Variants in C1QTNF12 observed in about 807,000 individuals in gnomAD.
C1QTNF12 encodes adipolin.
A neutral mutation model predicts 34.3 loss-of-function variants in C1QTNF12; 39 were observed. The observed-to-expected ratio is 1.14, with a 90% confidence interval of 0.88 to 1.49. C1QTNF12 has a LOEUF of 1.49. Ranked by LOEUF, C1QTNF12 falls within the 40% of genes most tolerant of loss-of-function variation. C1QTNF12 has a pLI of 0.00. For synonymous variants in C1QTNF12, 220 were observed against 196.9 expected (o/e 1.12, Z -0.98); for missense variants, 497 against 424.7 (o/e 1.17, Z -1.50).
At position 1,242,835 on chromosome 1, in the gene C1QTNF12, C is replaced by T. The variant is rs142136905; in HGVS notation, c.810G>A (p.Gln270=). 1.5e-5 allele frequency: 24 copies of T among 1,612,080 alleles called. No homozygotes were observed. The African/African-American group carries it at 2.7e-4, about 18-fold the overall frequency. ...CCGCTCACACCCGGCCCGGACTCAC[C>T]TGCAGCTGCAGCAGCCCCTGCACCT... ...TLQVQGLLQL[Q]AGQYASVFVD... is the part of the protein sequence containing the mutation. Residue 270 remains glutamine, a splice_region_variant and synonymous_variant, in exon 7 of 8, where the codon CAG becomes CAA. Transcript: ENST00000330388.
rs113729379 is a variant in C1QTNF12 at position 1,244,257 on chromosome 1, G to A, written c.313C>T (p.Pro105Ser). Residue 105 changes from proline (P) to serine (S), a missense_variant, in exon 3 of 8, where the codon CCA becomes TCA. Coordinates refer to ENST00000330388, the MANE Select transcript of C1QTNF12 (RefSeq NM_001014980.3). ...DKKPRDLFGP[P>S]GPPGAEVTAE... is the part of the protein sequence containing the mutation. The stretch of plus-strand genomic sequence containing the variant: ...GTCACTTCTGCACCTGGAGGTCCTG[G>A]GGGACCGAAGAGATCCCGCTGGGGG... 194 of 1,594,492 alleles carry A rather than the reference G, an allele frequency of 1.2e-4. No individual in the cohort carries two copies. The African/African-American group carries it at 2.3e-3, about 19-fold the overall frequency.
chr1:1,242,712 C>T, intron 7 of C1QTNF12, 66 bp from the exon 8 acceptor site: 3 of 1,550,906 alleles, frequency 1.9e-6, no homozygotes, highest in East Asian at 2.4e-5. Context: ...CAACGTCTGC[C>T]CACCTGCCCT....
chr1:1,244,050 C>A lies in C1QTNF12; in HGVS notation c.435G>T (p.Ala145=). ...AGGCCTCGCCCACCAGCCGCAGGCCCGCCCCCTGGGGCAGCAGCGGGTCCA... is the reference window on the plus strand; with the variant it reads ...AGGCCTCGCCCACCAGCCGCAGGCCAGCCCCCTGGGGCAGCAGCGGGTCCA... ...GLLDPLLPQG[A]GLRLVGEAFH... The change falls in exon 4 of 8, where the codon GCG becomes GCT. Residue 145 remains alanine (A), a synonymous_variant. Coordinates refer to ENST00000330388, the MANE Select transcript of C1QTNF12 (RefSeq NM_001014980.3). 1 of 1,599,398 alleles carries A rather than the reference C, an allele frequency of 6.3e-7. No individual in the cohort carries two copies. Among genetic ancestry groups the A allele is most frequent in the South Asian group, 1.1e-5 (1 of 89,516 alleles).
chr1:1,242,764 T>A, intron 7 of C1QTNF12, 71 bp downstream of exon 7: 1 of 1,577,876 alleles, frequency 6.3e-7, no homozygotes, highest in Non-Finnish European at 8.7e-7. Context: ...GCGCCCTGAG[T>A]GCACCGAGCT....
At position 1,246,483 on chromosome 1, in the gene C1QTNF12, G is replaced by A. The variant is rs933966507; in HGVS notation, c.177+31C>T. ...AGAGCCCCAGCTCCGAAGCTGCCCC[G>A]CGAGGGCCCACGTGCGTCCCGGCCG... On this transcript the variant is annotated intron_variant, in intron 1 of 7. Transcript: ENST00000330388. This position sits in a 1 kb window ranked among gnomAD's most constrained non-coding sequence, Gnocchi z 4.5. The A allele has an allele frequency of 3.3e-6, 4 of 1,229,330 alleles. No individual in the cohort carries two copies. The highest frequency in any genetic ancestry group is 4.1e-5 in the South Asian group (1 of 24,524). 76.2% of individuals were successfully genotyped at this position (1,229,330 alleles called of 1,614,324 possible). A position where few individuals can be genotyped will look rare whatever the true frequency, so the allele number is the denominator to read the frequency against.
Position 1,243,470 on chromosome 1 carries a change from A to C in C1QTNF12, c.614T>G (p.Phe205Cys), listed in dbSNP as rs1638795721. Residue 205 changes from phenylalanine to cysteine, a missense_variant, in exon 5 of 8, where the codon TTC becomes TGC. Physicochemically the swap from Phe to Cys is radical, Grantham distance 205. Transcript: ENST00000330388. ...GRFTAPVSGI[F>C]QFSASLHVDH... is the part of the protein sequence containing the mutation. ...CACGTGCAGACTGGCAGAGAACTGG[A>C]AGATGCCGGACACGGGGGCCGTGAA... is the stretch of plus-strand genomic sequence containing the variant. The C allele has an allele frequency of 6.4e-7, 1 of 1,559,094 alleles. No individual in the cohort carries two copies. The highest frequency in any genetic ancestry group is 1.4e-5 in the African/African-American group (1 of 73,440).
chr1:1,246,946 T>C (rs552383056), upstream of C1QTNF12, among the ~76,000 whole-genome samples: 2,098 of 150,652 alleles, frequency 0.014, 18 homozygotes, highest in African/African-American at 0.016. This position sits in a 1 kb window ranked among gnomAD's most constrained non-coding sequence, Gnocchi z 4.5. Context: ...AATCCTCCCC[T>C]CGCCTCCTCC....
chr1:1,243,464 A>G lies in C1QTNF12; in HGVS notation c.620T>C (p.Phe207Ser), dbSNP rs1442687971. The part of the protein sequence containing the change: ...FTAPVSGIFQ[F>S]SASLHVDHSE... Reference sequence around the variant, plus strand: ...CTCACCCACGTGCAGACTGGCAGAGAACTGGAAGATGCCGGACACGGGGGC... The same window carrying G: ...CTCACCCACGTGCAGACTGGCAGAGGACTGGAAGATGCCGGACACGGGGGC... The change falls in exon 5 of 8, where the codon TTC becomes TCC. Residue 207 changes from phenylalanine (F) to serine (S), a missense_variant. By Grantham distance (155) the Phe-to-Ser change is radical. Transcript: ENST00000330388. 3 of 1,558,000 alleles carry G rather than the reference A, an allele frequency of 1.9e-6. No homozygotes were observed. The Admixed American group carries it at 5.7e-5, about 30-fold the overall frequency.
At chr1:1,244,541 CAG>C in intron 1 of C1QTNF12, 44 bp from the exon 2 acceptor site, 1 of 1,442,830 alleles carries the variant, frequency 6.9e-7, no homozygotes, top group Non-Finnish European at 9.7e-7. Context: ...CTGCACCCTG[CAG>C]AGAGCTGGGA....
At position 1,242,825 on chromosome 1, in the gene C1QTNF12, C is replaced by T; in HGVS notation, c.810+10G>A. On this transcript the variant is annotated intron_variant, in intron 7 of 7. Transcript: ENST00000330388. ...CCGAGCCCTCCCGCTCACACCCGGCCCGGACTCACCTGCAGCTGCAGCAGC... is the reference window on the plus strand; with the variant it reads ...CCGAGCCCTCCCGCTCACACCCGGCTCGGACTCACCTGCAGCTGCAGCAGC... 1 of 1,612,092 alleles carries T rather than the reference C, an allele frequency of 6.2e-7. No homozygotes were observed. Among genetic ancestry groups the T allele is most frequent in the Non-Finnish European group, 8.5e-7 (1 of 1,179,570 alleles).
At position 1,243,061 on chromosome 1, in the gene C1QTNF12, C is replaced by G; in HGVS notation, c.731+1G>C. The stretch of plus-strand genomic sequence containing the variant: ...CTGGAGCGGGGGCTGAGGTCACTCA[C>G]GTGTGGCGCTGGCACAGGGACTCAA... On this transcript the variant is annotated splice_donor_variant, in intron 6 of 7. Transcript: ENST00000330388. LOFTEE classifies it high-confidence loss of function. The G allele has an allele frequency of 6.3e-7, 1 of 1,578,214 alleles. No individual in the cohort carries two copies. The highest frequency in any genetic ancestry group is 8.6e-7 in the Non-Finnish European group (1 of 1,162,860).
chr1:1,246,950 C>T (rs2101012371), upstream of C1QTNF12, among the ~76,000 whole-genome samples: 1 of 152,162 alleles, frequency 6.6e-6, no homozygotes, highest in South Asian at 2.1e-4. The surrounding 1 kb of genome is among the most constrained non-coding windows in gnomAD (Gnocchi z 4.5). Flanking sequence ...CTCCCCTCGC[C>T]TCCTCCTCCC....
At chr1:1,247,017 G>A (rs909403438), upstream of C1QTNF12, among the ~76,000 whole-genome samples, 1 of 151,778 alleles carries the variant, frequency 6.6e-6, no homozygotes, top group Non-Finnish European at 1.5e-5. Flanking sequence ...CCAGCCGCCC[G>A]GGCGCCCCGA....
At chr1:1,242,689 G>A in intron 7 of C1QTNF12, 43 bp from the exon 8 acceptor site, 1 of 1,567,348 alleles carries the variant, frequency 6.4e-7, no homozygotes, top group African/African-American at 1.4e-5. Flanking sequence ...CCACAGCCCA[G>A]CCACTCGGTG....
Position 1,243,496 on chromosome 1 carries a change from CCGACCCGAGGCCA to C in C1QTNF12, c.575_587del (p.Leu192ArgfsTer127). On this transcript the variant is annotated frameshift_variant, in exon 5 of 8. Transcript: ENST00000330388. LOFTEE classifies it high-confidence loss of function. ...AGATGCCGGACACGGGGGCCGTGAACCGACCCGAGGCCAGGCTCAGACCGGAGCCTCGCAGGAA... is the reference window on the plus strand; with the variant it reads ...AGATGCCGGACACGGGGGCCGTGAACGGCTCAGACCGGAGCCTCGCAGGAA... The C allele has an allele frequency of 1.3e-6, 2 of 1,560,260 alleles. No individual in the cohort carries two copies. Among genetic ancestry groups the C allele is most frequent in the Non-Finnish European group, 1.7e-6 (2 of 1,152,162 alleles).
At chr1:1,244,939 A>T (rs946573136) in intron 1 of C1QTNF12, among the ~76,000 whole-genome samples, 1 of 3,286 alleles carries the variant, frequency 3.0e-4, no homozygotes, top group Non-Finnish European at 5.3e-4. Flanking sequence ...TCTTCCCCCC[A>T]CTCCTCCCCA....
Position 1,242,465 on chromosome 1 carries a change from C to T in C1QTNF12, c.*83G>A. The T allele has an allele frequency of 9.5e-7, 1 of 1,052,946 alleles. No homozygotes were observed. Among genetic ancestry groups the T allele is most frequent in the Non-Finnish European group, 1.4e-6 (1 of 723,152 alleles). The allele number at this position is 1,052,946 out of a possible 1,614,324, so 65.2% of individuals were successfully genotyped here. A position where few individuals can be genotyped will look rare whatever the true frequency, so the allele number is the denominator to read the frequency against. On this transcript the variant is annotated 3_prime_UTR_variant, in exon 8 of 8. Coordinates refer to ENST00000330388, the MANE Select transcript of C1QTNF12 (RefSeq NM_001014980.3). The stretch of plus-strand genomic sequence containing the variant: ...CGAAGGCAGTGGGGAGGGTGGAGGG[C>T]TCTTTATTGTGGTGACCACGGGCAT...
At chr1:1,243,843 C>T in intron 4 of C1QTNF12, 111 bp downstream of exon 4, 2 of 1,373,038 alleles carry the variant, frequency 1.5e-6, no homozygotes, top group Non-Finnish European at 2.0e-6. Flanking sequence ...GAGCCCCGCC[C>T]CCAGCCCCCA....
At position 1,244,434 on chromosome 1, in the gene C1QTNF12, G is replaced by C; in HGVS notation, c.241C>G (p.Arg81Gly). 6.2e-7 allele frequency: 1 copy of C among 1,611,890 alleles called. No individual in the cohort carries two copies. Among genetic ancestry groups the C allele is most frequent in the Non-Finnish European group, 8.5e-7 (1 of 1,179,536 alleles). ...AHMTWLNFVR[R>G]PDDGALRKRC... ...TTCCTTAAGGCGCCGTCGTCCGGCC[G>C]CCGGACAAAGTTCAGCCATGTCATG... Residue 81 changes from arginine (R) to glycine (G), a missense_variant, in exon 2 of 8, where the codon CGG becomes GGG. Arg to Gly is a moderately radical substitution (Grantham distance 125). Transcript: ENST00000330388.
Sources: gnomAD v4.1 joint callset for allele counts (sites outside exome capture counted in the v4.1 genomes callset) on GRCh38, gnomAD v4.1.1 for gene constraint, Gnocchi (gnomAD v3.1) non-coding constraint, MANE v1.5 for transcripts, NCBI Gene and HGNC (gene_info 2026-07-23, HGNC 2026-07-21) for gene names.